The following LRRTM1 variants were observed in gnomAD, a reference collection of about 807,000 sequenced individuals.
LRRTM1 encodes leucine rich repeat transmembrane neuronal 1.
A neutral mutation model predicts 37.3 loss-of-function variants in LRRTM1; 8 were observed. That is an observed-to-expected ratio of 0.21 (90% CI 0.13 to 0.39). LRRTM1 has a LOEUF of 0.39. Among genes scored for constraint, LRRTM1 ranks in the 10% least tolerant of loss-of-function variants. The probability of loss-of-function intolerance (pLI) is 1.00; values close to 1 mark genes in which losing one functional copy is unlikely to be tolerated. For synonymous variants in LRRTM1, 326 were observed against 316.8 expected, an observed-to-expected ratio of 1.03 and a Z score of -0.31; for missense variants, 557 against 691.0, an observed-to-expected ratio of 0.81 and a Z score of 2.17.
chr2:80,293,304 A>G (rs1217575766), intron 2 of LRRTM1, among the ~76,000 whole-genome samples: 1 of 152,218 alleles, frequency 6.6e-6, no homozygotes, highest in Non-Finnish European at 1.5e-5. Context: ...TCTCACTTAT[A>G]CTGAAGGCTG....
At chr2:80,290,395 C>G (rs141354642) in intron 2 of LRRTM1, among the ~76,000 whole-genome samples, 2 of 152,012 alleles carry the variant, frequency 1.3e-5, no homozygotes, top group African/African-American at 2.4e-5. Context: ...TCATTTCTTC[C>G]CCAGTGATTA....
chr2:80,293,161 C>G (rs1675414221), intron 2 of LRRTM1, among the ~76,000 whole-genome samples: 2 of 152,200 alleles, frequency 1.3e-5, no homozygotes. Flanking sequence ...TGTTCTGCAG[C>G]TGAGGGACAA....
chr2:80,302,554 G>A lies in LRRTM1; in HGVS notation c.1266C>T (p.Ala422=). Residue 422 remains alanine (A), a synonymous_variant, in exon 2 of 2, where the codon GCC becomes GCT. Transcript: ENST00000295057. This position sits in a 1 kb window ranked among gnomAD's most constrained non-coding sequence, Gnocchi z 6.4. ...ALPGGEHAEN[A]VQIHKVVTGT... ...CCGTGACCACCTTGTGGATCTGCACGGCGTTCTCGGCGTGCTCGCCGCCTG... is the reference window on the plus strand; with the variant it reads ...CCGTGACCACCTTGTGGATCTGCACAGCGTTCTCGGCGTGCTCGCCGCCTG... 4.4e-6 allele frequency: 7 copies of A among 1,608,910 alleles called. No individual in the cohort carries two copies. Among genetic ancestry groups the A allele is most frequent in the Non-Finnish European group, 5.9e-6 (7 of 1,179,466 alleles).
intron 2 of LRRTM1, among the ~76,000 whole-genome samples, chr2:80,289,427 T>G (rs1471065600): frequency 6.6e-6 from 1 of 152,194 alleles, no homozygotes; most frequent in Non-Finnish European, 1.5e-5. Flanking sequence ...AGATAATTTT[T>G]ATATTACTGA....
rs528982180 is a variant in LRRTM1 at position 80,302,754 on chromosome 2, C to T, written c.1066G>A (p.Ala356Thr). ...EYAQGEDVLD[A>T]VYAFHLCEDG... ...TCGCACAGGTGGAAGGCGTACACGG[C>T]GTCCAGGACGTCCTCGCCCTGTGCG... Residue 356 changes from alanine (A) to threonine (T), a missense_variant, in exon 2 of 2, where the codon GCC becomes ACC. This residue lies in a region of LRRTM1 where 89 missense variants were observed against 80.7 expected (regional missense o/e 1.10). Coordinates refer to ENST00000295057, the MANE Select transcript of LRRTM1 (RefSeq NM_178839.5). This position sits in a 1 kb window ranked among gnomAD's most constrained non-coding sequence, Gnocchi z 6.4. 2.5e-6 allele frequency: 4 copies of T among 1,613,040 alleles called. No individual in the cohort carries two copies. In the East Asian group the frequency reaches 8.9e-5, roughly 36 times the overall value.
chr2:80,296,334 C>T (rs184155819), intron 2 of LRRTM1, among the ~76,000 whole-genome samples: 1 of 152,254 alleles, frequency 6.6e-6, no homozygotes, highest in African/African-American at 2.4e-5. Context: ...TCAAGTTTCT[C>T]ATTTTCCTTC....
chr2:80,295,239 T>TG (rs397690146), intron 2 of LRRTM1, among the ~76,000 whole-genome samples: 3 of 151,734 alleles, frequency 2.0e-5, no homozygotes, highest in Non-Finnish European at 4.4e-5. Flanking sequence ...TTTTTTTTTT[T>TG]GTGGGTAGGG....
At chr2:80,297,899 T>C (rs1675891571), downstream of LRRTM1, among the ~76,000 whole-genome samples, 1 of 152,114 alleles carries the variant, frequency 6.6e-6, no homozygotes, top group Non-Finnish European at 1.5e-5. Flanking sequence ...AAAAGTTTGA[T>C]TATGAAGAAG....
Position 80,302,818 on chromosome 2 carries a change from C to T in LRRTM1, c.1002G>A (p.Gly334=), listed in dbSNP as rs754951472. ...CGCACTGCAAGTTGCCATCGTAGCG[C>T]CCCTGGAAGTTGTTGAGCCACGAGG... ...ALASWLNNFQ[G]RYDGNLQCAS... The change falls in exon 2 of 2, where the codon GGG becomes GGA. Residue 334 remains glycine (G), a synonymous_variant. Transcript: ENST00000295057. This position sits in a 1 kb window ranked among gnomAD's most constrained non-coding sequence, Gnocchi z 6.4. 6.2e-7 allele frequency: 1 copy of T among 1,613,988 alleles called. No homozygotes were observed. Among genetic ancestry groups the T allele is most frequent in the Non-Finnish European group, 8.5e-7 (1 of 1,180,012 alleles).
chr2:80,295,854 T>C (rs896407090), intron 2 of LRRTM1, among the ~76,000 whole-genome samples: 2 of 152,206 alleles, frequency 1.3e-5, no homozygotes, highest in African/African-American at 4.8e-5. Context: ...TTCTTTTAAG[T>C]GAATTCTCTA....
chr2:80,297,527 C>G (rs1217320511), downstream of LRRTM1, among the ~76,000 whole-genome samples: 1 of 152,150 alleles, frequency 6.6e-6, no homozygotes, highest in Non-Finnish European at 1.5e-5. Context: ...CCAGGCCCTT[C>G]ACTTTGAGTA....
chr2:80,302,111 C>G lies in LRRTM1; in HGVS notation c.*140G>C. The G allele has an allele frequency of 8.7e-7, 1 of 1,153,946 alleles. No homozygotes were observed. Among genetic ancestry groups the G allele is most frequent in the Non-Finnish European group, 1.2e-6 (1 of 841,844 alleles). The allele number at this position is 1,153,946 out of a possible 1,614,324, so 71.5% of individuals were successfully genotyped here. A position where few individuals can be genotyped will look rare whatever the true frequency, so the allele number is the denominator to read the frequency against. On this transcript the variant is annotated 3_prime_UTR_variant, in exon 2 of 2. Coordinates refer to ENST00000295057, the MANE Select transcript of LRRTM1 (RefSeq NM_178839.5). The surrounding 1 kb of genome is among the most constrained non-coding windows in gnomAD (Gnocchi z 6.4). ...ACACAATAAAGCTAAAATGTCAAGT[C>G]TCTGGGAGAGATCCCCTTAAAGTTT...
downstream of LRRTM1, chr2:80,298,680 T>G (rs1349749737): frequency 2.0e-5 from 3 of 152,242 alleles, no homozygotes; most frequent in African/African-American, 7.2e-5. Context: ...TCTGCCTTCT[T>G]GAAGGCAGAG....
rs2149210686 is a variant in LRRTM1 at position 80,303,701 on chromosome 2, G to A, written c.119C>T (p.Pro40Leu). The A allele has an allele frequency of 6.2e-7, 1 of 1,609,862 alleles. No homozygotes were observed. The highest frequency in any genetic ancestry group is 8.5e-7 in the Non-Finnish European group (1 of 1,177,824). ...QMLPAAPSGC[P>L]QLCRCEGRLL... ...CCGCCCCTCGCACCGGCACAGCTGC[G>A]GGCACCCGCTGGGGGCGGCGGGCAG... is the stretch of plus-strand genomic sequence containing the variant. Residue 40 changes from proline (P) to leucine (L), a missense_variant, in exon 2 of 2, where the codon CCG becomes CTG. Coordinates refer to ENST00000295057, the MANE Select transcript of LRRTM1 (RefSeq NM_178839.5). The surrounding 1 kb of genome is among the most constrained non-coding windows in gnomAD (Gnocchi z 7.7).
chr2:80,297,011 A>T, downstream of LRRTM1, among the ~76,000 whole-genome samples: 1 of 152,164 alleles, frequency 6.6e-6, no homozygotes. Flanking sequence ...TGAGTCTAAA[A>T]TCCTATTTTA....
At chr2:80,300,332 G>C (rs960020335), downstream of LRRTM1, among the ~76,000 whole-genome samples, 1 of 136,810 alleles carries the variant, frequency 7.3e-6, no homozygotes, top group African/African-American at 2.7e-5. Context: ...GTGTGTGTGT[G>C]TAAGAAGCTG....
downstream of LRRTM1, chr2:80,298,131 A>G (rs1167690693): frequency 3.9e-5 from 6 of 151,984 alleles, no homozygotes; most frequent in Non-Finnish European, 8.8e-5. Context: ...GTGTGTGTGT[A>G]TATTTCAGAA....
Position 80,302,063 on chromosome 2 carries a change from T to TTTAA in LRRTM1, c.*184_*187dup. ...TGTGGGGTGGGGTTTTTTGTTGTGT[T>TTTAA]TTAATTCGCTTTTGTTTTTAAGACA... is the stretch of plus-strand genomic sequence containing the variant. On this transcript the variant is annotated 3_prime_UTR_variant, in exon 2 of 2. Coordinates refer to ENST00000295057, the MANE Select transcript of LRRTM1 (RefSeq NM_178839.5). The surrounding 1 kb of genome is among the most constrained non-coding windows in gnomAD (Gnocchi z 6.4). 1 of 756,438 alleles carries TTTAA rather than the reference T, an allele frequency of 1.3e-6. No homozygotes were observed. Among genetic ancestry groups the TTTAA allele is most frequent in the Non-Finnish European group, 2.0e-6 (1 of 494,188 alleles). 46.9% of individuals were successfully genotyped at this position (756,438 alleles called of 1,614,324 possible). A position where few individuals can be genotyped will look rare whatever the true frequency, so the allele number is the denominator to read the frequency against.
At position 80,302,803 on chromosome 2, in the gene LRRTM1, G is replaced by A. The variant is rs767222641; in HGVS notation, c.1017C>T (p.Asn339=). 4 of 1,613,848 alleles carry A rather than the reference G, an allele frequency of 2.5e-6. No homozygotes were observed. The highest frequency in any genetic ancestry group is 3.4e-6 in the Non-Finnish European group (4 of 1,179,984). The change falls in exon 2 of 2, where the codon AAC becomes AAT. Residue 339 remains asparagine, a synonymous_variant. Coordinates refer to ENST00000295057, the MANE Select transcript of LRRTM1 (RefSeq NM_178839.5). The surrounding 1 kb of genome is among the most constrained non-coding windows in gnomAD (Gnocchi z 6.4). ...CGTACTCCGGGCTGGCGCACTGCAA[G>A]TTGCCATCGTAGCGCCCCTGGAAGT... The part of the protein sequence containing the change: ...LNNFQGRYDG[N]LQCASPEYAQ...
Sources: allele counts gnomAD v4.1 joint callset (sites outside exome capture counted in the v4.1 genomes callset), GRCh38; gene constraint gnomAD v4.1.1; regional missense constraint gnomAD v4.1.1; non-coding constraint Gnocchi (gnomAD v3.1); transcripts MANE v1.5; gene names NCBI Gene and HGNC (gene_info 2026-07-23, HGNC 2026-07-21).